Variants in PDCD10 observed in about 807,000 individuals in gnomAD.
The protein encoded by PDCD10 is programmed cell death 10.
In PDCD10, 4 loss-of-function variants were observed where a neutral mutation model predicts 29.2. The observed-to-expected ratio is 0.14, with a 90% CI of 0.07 to 0.31. The LOEUF (loss-of-function observed/expected upper bound fraction) is 0.31, where lower values mean the gene tolerates loss of function less well. PDCD10 is among the 10% of genes least tolerant of loss of function. The pLI is 1.00. For missense variants in PDCD10, 183 were observed against 257.9 expected (o/e 0.71, Z 1.99); for synonymous variants, 70 against 82.2 (o/e 0.85, Z 0.80).
intron 2 of PDCD10, among the ~76,000 whole-genome samples, chr3:167,730,059 C>G (rs1005572826): frequency 3.9e-5 from 6 of 152,016 alleles, no homozygotes; most frequent in Non-Finnish European, 7.4e-5. Context: ...ATATAATACA[C>G]TTAAGACACA....
chr3:167,705,700 C>T (rs1176434360), intron 3 of PDCD10, among the ~76,000 whole-genome samples: 1 of 152,132 alleles, frequency 6.6e-6, no homozygotes, highest in African/African-American at 2.4e-5. Context: ...AACATGACTT[C>T]TAACAAATCT....
In PDCD10 at chr3:167,720,090, T is replaced by C. The variant is rs764290272; in HGVS notation, c.68A>G (p.Tyr23Cys). ...ATTAAACACAGGATACATGACTGCA[T>C]AGAGGGGCATAGAAACCATGGATGT... ...ETTSMVSMPL[Y>C]AVMYPVFNEL... The change falls in exon 3 of 9, where the codon TAT (tyrosine) becomes TGT (cysteine). Residue 23 changes from tyrosine (Y) to cysteine (C), a missense_variant. Coordinates refer to ENST00000392750, the MANE Select transcript of PDCD10 (RefSeq NM_007217.4). 5.6e-6 allele frequency: 9 copies of C among 1,610,890 alleles called. No individual in the cohort carries two copies. The highest frequency in any genetic ancestry group is 1.3e-5 in the African/African-American group (1 of 74,962).
At chr3:167,728,199 A>G (rs564968706) in intron 2 of PDCD10, among the ~76,000 whole-genome samples, 20 of 151,962 alleles carry the variant, frequency 1.3e-4, no homozygotes, top group African/African-American at 4.8e-4. Flanking sequence ...CGATTTTAAT[A>G]TGGATAAAGA....
intron 8 of PDCD10, among the ~76,000 whole-genome samples, chr3:167,685,504 A>C (rs1178798320): frequency 1.3e-5 from 2 of 152,060 alleles, no homozygotes; most frequent in Non-Finnish European, 2.9e-5. Context: ...TTCTATCAAT[A>C]ATTTTCTGTT....
intron 3 of PDCD10, among the ~76,000 whole-genome samples, chr3:167,714,110 C>A (rs775466759): frequency 1.3e-5 from 2 of 151,908 alleles, no homozygotes; most frequent in South Asian, 2.1e-4. Flanking sequence ...AGGAAAACTA[C>A]AGGCCAATCT....
At chr3:167,722,948 A>G (rs1448377534) in intron 2 of PDCD10, among the ~76,000 whole-genome samples, 2 of 152,238 alleles carry the variant, frequency 1.3e-5, no homozygotes, top group East Asian at 3.8e-4. Context: ...TTATTTGTCA[A>G]CAAAAAGAAC....
chr3:167,723,235 G>T (rs936266961), intron 2 of PDCD10, among the ~76,000 whole-genome samples: 1 of 152,094 alleles, frequency 6.6e-6, no homozygotes, highest in Admixed American at 6.6e-5. Flanking sequence ...TTCTTCATTT[G>T]AAATAGTTCA....
Position 167,695,613 on chromosome 3 carries a change from C to T in PDCD10, c.378G>A (p.Arg126=), listed in dbSNP as rs910266019. The T allele has an allele frequency of 5.0e-6, 8 of 1,613,360 alleles. No individual in the cohort carries two copies. The highest frequency in any genetic ancestry group is 6.8e-6 in the Non-Finnish European group (8 of 1,179,446). The change falls in exon 6 of 9, where the codon AGG becomes AGA. Residue 126 remains arginine (R), a synonymous_variant. Transcript: ENST00000392750. ...KIPDEINDRV[R]FLQTIKDIAS... ...TTGCTTACTTGATTGTCTGCAGAAA[C>T]CTCACTCTGTCATTGATCTCATCTG...
At chr3:167,734,461 C>G (rs1030117873) in intron 1 of PDCD10, 111 bp from the exon 2 acceptor site, 2 of 152,778 alleles carry the variant, frequency 1.3e-5, no homozygotes, top group Non-Finnish European at 2.9e-5. Context: ...AGCCTCACCT[C>G]TCGGTCCGAA....
chr3:167,733,337 A>T (rs1204546083), intron 2 of PDCD10, among the ~76,000 whole-genome samples: 1 of 152,234 alleles, frequency 6.6e-6, no homozygotes, highest in African/African-American at 2.4e-5. Flanking sequence ...CAATAATAAT[A>T]GTCATGAGCT....
At position 167,683,325 on chromosome 3, in the gene PDCD10, T is replaced by C. The variant is rs1402446633; in HGVS notation, c.*983A>G. On this transcript the variant is annotated 3_prime_UTR_variant, in exon 9 of 9. Transcript: ENST00000392750. ...CTGATTTTTTCCCTTTATTTTATAA[T>C]TGAAAAATGAAACCACTTAACATGA... 2 of 152,068 alleles carry C rather than the reference T, an allele frequency of 1.3e-5. No homozygotes were observed. Among genetic ancestry groups the C allele is most frequent in the East Asian group, 1.9e-4 (1 of 5,198 alleles). 9.4% of individuals were successfully genotyped at this position (152,068 alleles called of 1,614,324 possible). A position where few individuals can be genotyped will look rare whatever the true frequency, so the allele number is the denominator to read the frequency against.
intron 2 of PDCD10, among the ~76,000 whole-genome samples, chr3:167,732,568 C>T (rs1474243461): frequency 2.6e-5 from 4 of 152,076 alleles, no homozygotes; most frequent in Non-Finnish European, 5.9e-5. Flanking sequence ...AACATTAATC[C>T]ACCATCCGAA....
rs190987191 is a variant in PDCD10, at chr3:167,709,373, C to G, written c.97-4478G>C. 1.0e-3 allele frequency among the ~76,000 whole-genome samples: 154 copies of G among 152,182 alleles called. 1 individual carries two copies. Among genetic ancestry groups the G allele is most frequent in the Admixed American group, 8.2e-3 (126 of 15,286 alleles). ...ATCTTGAAACACTGATGCCACCCCTCCCCCCATCCCGCAATAGCAGCTGTG... is the reference window on the plus strand; with the variant it reads ...ATCTTGAAACACTGATGCCACCCCTGCCCCCATCCCGCAATAGCAGCTGTG... On this transcript the variant is annotated intron_variant, in intron 3 of 8. Transcript: ENST00000392750.
At chr3:167,715,726 A>G (rs1722940369) in intron 3 of PDCD10, among the ~76,000 whole-genome samples, 1 of 152,018 alleles carries the variant, frequency 6.6e-6, no homozygotes, top group Admixed American at 6.6e-5. Flanking sequence ...ACCTCATCCC[A>G]ATTAAAATGG....
chr3:167,712,976 T>C (rs778706669), intron 3 of PDCD10, among the ~76,000 whole-genome samples: 41 of 152,114 alleles, frequency 2.7e-4, no homozygotes, highest in Admixed American at 9.8e-4. Context: ...TAGAACTAAA[T>C]AGAGAGACTG....
At chr3:167,723,848 T>C (rs1460978587) in intron 2 of PDCD10, among the ~76,000 whole-genome samples, 1 of 152,246 alleles carries the variant, frequency 6.6e-6, no homozygotes, top group African/African-American at 2.4e-5. Flanking sequence ...ACACAGAGTA[T>C]AAGCAATCTT....
chr3:167,720,361 T>A, intron 2 of PDCD10, 88 bp from the exon 3 acceptor site: 1 of 543,878 alleles, frequency 1.8e-6, no homozygotes, highest in Non-Finnish European at 3.3e-6. Context: ...ATTACAGAGT[T>A]CCTATTTTAT....
At chr3:167,733,378 G>A (rs1346687025) in intron 2 of PDCD10, among the ~76,000 whole-genome samples, 2 of 152,200 alleles carry the variant, frequency 1.3e-5, no homozygotes, top group East Asian at 1.9e-4. Context: ...TAGAGGATAA[G>A]ACTTGCATAA....
chr3:167,727,063 T>A (rs1724262943), intron 2 of PDCD10, among the ~76,000 whole-genome samples: 1 of 152,214 alleles, frequency 6.6e-6, no homozygotes, highest in Non-Finnish European at 1.5e-5. Context: ...AAAATTACTT[T>A]TCTAAATGTA....
Sources: allele counts gnomAD v4.1 joint callset (sites outside exome capture counted in the v4.1 genomes callset), GRCh38; gene constraint gnomAD v4.1.1; transcripts MANE v1.5; gene names NCBI Gene and HGNC (gene_info 2026-07-23, HGNC 2026-07-21).